PPRC1: variants seen among roughly 807,000 people sequenced by gnomAD.
PPRC1 encodes PPARG related coactivator 1, also known as peroxisome proliferator-activated receptor gamma coactivator-related protein 1.
In PPRC1, 23 loss-of-function variants were observed where a neutral mutation model predicts 132.5. The observed-to-expected ratio is 0.17, with a 90% confidence interval of 0.12 to 0.25. PPRC1 has a LOEUF of 0.25. Among genes scored for constraint, PPRC1 ranks in the 10% least tolerant of loss-of-function variants. The pLI is 1.00. For synonymous variants in PPRC1, 872 were observed against 833.5 expected (o/e 1.05, Z -0.80); for missense variants, 2,006 against 2,089.1 (o/e 0.96, Z 0.78).
upstream of PPRC1, among the ~76,000 whole-genome samples, chr10:102,132,219 T>G (rs1309727648): frequency 1.3e-5 from 2 of 152,252 alleles, no homozygotes; most frequent in African/African-American, 2.4e-5. Context: ...TAAACAGTCT[T>G]GTACTTTTTG....
intron 1 of PPRC1, 49 bp downstream of exon 1, chr10:102,133,270 C>T (rs755557993): frequency 4.0e-6 from 5 of 1,238,334 alleles, no homozygotes; most frequent in African/African-American, 1.5e-5. Flanking sequence ...CGGTGTGTGC[C>T]GGGCGGTGAC....
At chr10:102,120,298 G>C in the PPRC1 span, 1 of 984,318 alleles carries the variant, frequency 1.0e-6, no homozygotes, top group Non-Finnish European at 1.2e-6. Flanking sequence ...GGAGCAGACA[G>C]GAAGGAAGCC....
In PPRC1 at chr10:102,147,360, G is replaced by GTCCCTC. The variant is rs771555432; in HGVS notation, c.4373_4378dup (p.Leu1458_Ser1459dup). 2 of 1,608,578 alleles carry GTCCCTC rather than the reference G, an allele frequency of 1.2e-6. No homozygotes were observed. Among genetic ancestry groups the GTCCCTC allele is most frequent in the South Asian group, 2.2e-5 (2 of 91,074 alleles). ...CTTCCTCATCCCGATCTCGGTCCAGGTCCCTCTCCCCCCCACACAAGAGGT... is the reference window on the plus strand; with the variant it reads ...CTTCCTCATCCCGATCTCGGTCCAGGTCCCTCTCCCTCTCCCCCCCACACAAGAGGT... On this transcript the variant is annotated inframe_insertion, in exon 9 of 14. Coordinates refer to ENST00000278070, the MANE Select transcript of PPRC1 (RefSeq NM_015062.5).
upstream of PPRC1, among the ~76,000 whole-genome samples, chr10:102,129,297 G>T (rs998233685): frequency 6.6e-6 from 1 of 152,146 alleles, no homozygotes; most frequent in Admixed American, 6.6e-5. Context: ...AGTCAGAAAA[G>T]GACAAACGAT....
Position 102,139,471 on chromosome 10 carries a change from C to G in PPRC1, c.963C>G (p.Thr321=). The G allele has an allele frequency of 1.2e-6, 2 of 1,614,042 alleles. No homozygotes were observed. The highest frequency in any genetic ancestry group is 1.7e-6 in the Non-Finnish European group (2 of 1,179,880). The part of the protein sequence containing the change: ...AMHPYCLPNL[T]HLASLEDELQ... ...ACCCATACTGCCTGCCCAACCTCAC[C>G]CACCTGGCATCACTTGAGGATGAGC... The change falls in exon 5 of 14, where the codon ACC becomes ACG. Residue 321 remains threonine, a synonymous_variant. Coordinates refer to ENST00000278070, the MANE Select transcript of PPRC1 (RefSeq NM_015062.5).
chr10:102,133,147 G>C lies in PPRC1; in HGVS notation c.79G>C (p.Ala27Pro), dbSNP rs2068583485. 2 of 1,257,408 alleles carry C rather than the reference G, an allele frequency of 1.6e-6. No individual in the cohort carries two copies. The highest frequency in any genetic ancestry group is 3.1e-5 in the African/African-American group (2 of 65,034). The allele number at this position is 1,257,408 out of a possible 1,614,324, so 77.9% of individuals were successfully genotyped here. Residue 27 changes from alanine (A) to proline (P), a missense_variant, in exon 1 of 14, where the codon GCC becomes CCC. Transcript: ENST00000278070. ...CCCCGGTCCGGACCCTGGCGGGGGA[G>C]CCCGCGGCAGTGGTTGGGGAAGTCG... ...GGPGPDPGGG[A>P]RGSGWGSRSQ...
chr10:102,124,356 C>T, the PPRC1 span, among the ~76,000 whole-genome samples: 1 of 151,802 alleles, frequency 6.6e-6, no homozygotes, highest in Admixed American at 6.6e-5. Context: ...AGCCACCGCG[C>T]CCGGCCTTCT....
Position 102,139,715 on chromosome 10 carries a change from C to G in PPRC1, c.1207C>G (p.Pro403Ala). The G allele has an allele frequency of 6.2e-7, 1 of 1,614,068 alleles. No individual in the cohort carries two copies. The highest frequency in any genetic ancestry group is 1.3e-5 in the African/African-American group (1 of 75,060). ...TLESETEAAV[P>A]KVTLCSEKEG... ...GGAGTCAGAGACAGAGGCTGCTGTG[C>G]CCAAGGTAACCCTCTGCTCTGAGAA... is the stretch of plus-strand genomic sequence containing the variant. Residue 403 changes from proline to alanine, a missense_variant, in exon 5 of 14, where the codon CCC becomes GCC. Pro to Ala is a conservative substitution (Grantham distance 27). Transcript: ENST00000278070.
chr10:102,122,273 T>C, the PPRC1 span, among the ~76,000 whole-genome samples: 16 of 152,132 alleles, frequency 1.1e-4, no homozygotes, highest in Non-Finnish European at 1.6e-4. Flanking sequence ...AAATTGTGGA[T>C]ACCTAGGTTT....
At chr10:102,120,449 CCTCGCG>C in the PPRC1 span, 22 of 964,944 alleles carry the variant, frequency 2.3e-5, no homozygotes, top group Middle Eastern at 5.3e-4. Flanking sequence ...CCCTCTCCGC[CCTCGCG>C]CTCGCGCTCC....
intron 9 of PPRC1, 80 bp downstream of exon 9, chr10:102,147,472 C>T (rs2069314706): frequency 2.0e-6 from 3 of 1,464,634 alleles, no homozygotes; most frequent in South Asian, 1.3e-5. Flanking sequence ...AGCTTTTACC[C>T]GTTGACTTTG....
rs555815569 is a variant in PPRC1 at position 102,133,615 on chromosome 10, C to T, written c.153+394C>T. Among the ~76,000 whole-genome samples the T allele has an allele frequency of 1.4e-4, 22 of 152,080 alleles. 2 individuals carry two copies. In the South Asian group the frequency reaches 3.7e-3, roughly 26 times the overall value. ...TTTTCCCGGGAGAACTTGTCTGCCT[C>T]CCCTCCCCCTCTAGGCGGCCCGGGC... is the stretch of plus-strand genomic sequence containing the variant. On this transcript the variant is annotated intron_variant, in intron 1 of 13. Transcript: ENST00000278070.
At position 102,143,241 on chromosome 10, in the gene PPRC1, T is replaced by C. The variant is rs183072255; in HGVS notation, c.3550+143T>C. 1,059 of 734,632 alleles carry C rather than the reference T, an allele frequency of 1.4e-3. 10 individuals are homozygous for C. The African/African-American group carries it at 0.015, about 10-fold the overall frequency. The allele number at this position is 734,632 out of a possible 1,614,324, so 45.5% of individuals were successfully genotyped here. On this transcript the variant is annotated intron_variant, in intron 6 of 13. Coordinates refer to ENST00000278070, the MANE Select transcript of PPRC1 (RefSeq NM_015062.5). ...CCCTAATTGGAAGAGAGAGACAAGA[T>C]TGAACTGTGACGGTAATCCAAGCCA...
In PPRC1 at chr10:102,148,888, C is replaced by T. The variant is rs751244575; in HGVS notation, c.4689C>T (p.Phe1563=). 3 of 1,614,082 alleles carry T rather than the reference C, an allele frequency of 1.9e-6. No homozygotes were observed. Among genetic ancestry groups the T allele is most frequent in the Admixed American group, 1.7e-5 (1 of 60,010 alleles). The part of the protein sequence containing the change: ...RMTRSELKQR[F]SVFGEIEECT... ...CTCGATCAGAGCTGAAACAGAGGTT[C>T]TCCGTTTTTGGAGAGATTGAGGAGT... The change falls in exon 12 of 14, where the codon TTC becomes TTT. Residue 1563 remains phenylalanine, a synonymous_variant. Transcript: ENST00000278070. This position sits in a 1 kb window ranked among gnomAD's most constrained non-coding sequence, Gnocchi z 4.2.
chr10:102,120,294 GAC>G, the PPRC1 span: 1 of 984,136 alleles, frequency 1.0e-6, no homozygotes, highest in Non-Finnish European at 1.2e-6. Flanking sequence ...GCGCGGAGCA[GAC>G]AGGAAGGAAG....
chr10:102,125,359 A>T, the PPRC1 span, among the ~76,000 whole-genome samples: 1 of 151,806 alleles, frequency 6.6e-6, no homozygotes, highest in Non-Finnish European at 1.5e-5. Context: ...CCTGGGTTGA[A>T]GCAATTCCCC....
At chr10:102,132,825 A>G (rs1396830069), upstream of PPRC1, among the ~76,000 whole-genome samples, 2 of 152,248 alleles carry the variant, frequency 1.3e-5, no homozygotes, top group Admixed American at 1.3e-4. Context: ...AGTGTAACGC[A>G]AAACTAAGCC....
chr10:102,127,959 G>T, the PPRC1 span, among the ~76,000 whole-genome samples: 1 of 152,298 alleles, frequency 6.6e-6, no homozygotes, highest in East Asian at 1.9e-4. Context: ...AAAGTATTGG[G>T]ATTACAGGTG....
intron 7 of PPRC1, 67 bp from the exon 8 acceptor site, chr10:102,144,953 A>T: frequency 1.6e-5 from 20 of 1,237,506 alleles, no homozygotes; most frequent in Non-Finnish European, 2.3e-5. Flanking sequence ...TTGATTTCTG[A>T]GAAAGGCAAA....
Sources: gnomAD v4.1 joint callset for allele counts (sites outside exome capture counted in the v4.1 genomes callset) on GRCh38, gnomAD v4.1.1 for gene constraint, Gnocchi (gnomAD v3.1) non-coding constraint, MANE v1.5 for transcripts, NCBI Gene and HGNC (gene_info 2026-07-23, HGNC 2026-07-21) for gene names.